The following WDFY2 variants were observed in gnomAD, a reference collection of about 807,000 sequenced individuals.
WDFY2 encodes the protein WD repeat and FYVE domain containing 2.
In WDFY2, 36 loss-of-function variants were observed where a neutral mutation model predicts 56.4. That is an observed-to-expected ratio of 0.64 (90% CI 0.49 to 0.84). WDFY2 has a LOEUF of 0.84. WDFY2 is among the 40% of genes least tolerant of loss of function. The probability of loss-of-function intolerance (pLI) is 0.00; values close to 1 mark genes in which losing one functional copy is unlikely to be tolerated. For synonymous variants in WDFY2, 176 were observed against 183.7 expected, an observed-to-expected ratio of 0.96 and a Z score of 0.34; for missense variants, 444 against 512.2, an observed-to-expected ratio of 0.87 and a Z score of 1.29.
At chr13:51,689,368 A>G (rs894348646) in intron 3 of WDFY2, among the ~76,000 whole-genome samples, 13 of 152,124 alleles carry the variant, frequency 8.5e-5, no homozygotes, top group Non-Finnish European at 1.3e-4. Flanking sequence ...TTTTTGTGCT[A>G]TATGTGTAAA....
rs74238270 is a variant in WDFY2, at chr13:51,749,209, A to T, written c.726-2101A>T. ...CTATTTTCAAATGAATTAATATTTTAAAAATTTCTCAGTTTTAATTCCAAA... is the reference window on the plus strand; with the variant it reads ...CTATTTTCAAATGAATTAATATTTTTAAAATTTCTCAGTTTTAATTCCAAA... On this transcript the variant is annotated intron_variant, in intron 7 of 11. Coordinates refer to ENST00000298125, the MANE Select transcript of WDFY2 (RefSeq NM_052950.4). 5.6e-4 allele frequency among the ~76,000 whole-genome samples: 86 copies of T among 152,320 alleles called. No individual in the cohort carries two copies. In the East Asian group the frequency reaches 0.011, roughly 19 times the overall value.
At chr13:51,653,736 C>T (rs1955451408) in intron 1 of WDFY2, among the ~76,000 whole-genome samples, 1 of 152,190 alleles carries the variant, frequency 6.6e-6, no homozygotes, top group Non-Finnish European at 1.5e-5. Flanking sequence ...TGGTGAACAG[C>T]AAATGTTGCT....
chr13:51,618,780 C>T (rs559048188), intron 1 of WDFY2, among the ~76,000 whole-genome samples: 19 of 152,282 alleles, frequency 1.2e-4, no homozygotes, highest in African/African-American at 4.6e-4. Flanking sequence ...GAACACAGAA[C>T]ATCTCAGTTC....
chr13:51,753,983 C>T (rs964407172), intron 8 of WDFY2, among the ~76,000 whole-genome samples: 2 of 151,186 alleles, frequency 1.3e-5, no homozygotes, highest in Non-Finnish European at 2.9e-5. Context: ...ATCTCAGCTT[C>T]TCAGGAGGCT....
At chr13:51,727,470 G>T (rs1952628681) in intron 5 of WDFY2, among the ~76,000 whole-genome samples, 1 of 152,174 alleles carries the variant, frequency 6.6e-6, no homozygotes, top group Non-Finnish European at 1.5e-5. Flanking sequence ...TTAGGAGCAA[G>T]AAGTGACATC....
At chr13:51,611,688 A>C (rs1344547553) in intron 1 of WDFY2, among the ~76,000 whole-genome samples, 1 of 152,116 alleles carries the variant, frequency 6.6e-6, no homozygotes, top group Non-Finnish European at 1.5e-5. Flanking sequence ...GATGACTCCA[A>C]GTCTGTTATG....
chr13:51,713,543 C>A (rs1034383463), intron 4 of WDFY2, among the ~76,000 whole-genome samples: 2 of 152,248 alleles, frequency 1.3e-5, no homozygotes, highest in Non-Finnish European at 2.9e-5. Context: ...TGCAAATGAA[C>A]CTTGAAGACA....
At chr13:51,708,094 C>A (rs371028131) in intron 4 of WDFY2, among the ~76,000 whole-genome samples, 1 of 150,942 alleles carries the variant, frequency 6.6e-6, no homozygotes, top group African/African-American at 2.4e-5. Context: ...TACAGGCACC[C>A]GCCACCACAC....
intron 4 of WDFY2, among the ~76,000 whole-genome samples, chr13:51,706,299 T>G (rs754647624): frequency 3.9e-5 from 6 of 152,186 alleles, no homozygotes; most frequent in Non-Finnish European, 8.8e-5. Flanking sequence ...AAGAGAGAAC[T>G]AAAACTCAGA....
intron 1 of WDFY2, among the ~76,000 whole-genome samples, chr13:51,645,335 C>T (rs1354107405): frequency 2.6e-5 from 4 of 152,022 alleles, no homozygotes; most frequent in African/African-American, 9.7e-5. Context: ...CCAGCCCCTA[C>T]CCCAAGTTAC....
intron 4 of WDFY2, among the ~76,000 whole-genome samples, chr13:51,717,168 C>T (rs1358938857): frequency 6.6e-6 from 1 of 152,164 alleles, no homozygotes; most frequent in East Asian, 1.9e-4. Flanking sequence ...AGCCAGACAT[C>T]AAACCCATGT....
At chr13:51,729,598 G>A (rs1483195022) in intron 6 of WDFY2, among the ~76,000 whole-genome samples, 1 of 151,814 alleles carries the variant, frequency 6.6e-6, no homozygotes, top group Non-Finnish European at 1.5e-5. Context: ...CTCAGTGCAG[G>A]AGAGCTGCTT....
chr13:51,716,136 G>T (rs998325287), intron 4 of WDFY2, among the ~76,000 whole-genome samples: 1 of 152,120 alleles, frequency 6.6e-6, no homozygotes, highest in Non-Finnish European at 1.5e-5. Context: ...GCCATGTATT[G>T]TATGATTACA....
chr13:51,642,711 T>C (rs1296483684), intron 1 of WDFY2, among the ~76,000 whole-genome samples: 3 of 136,974 alleles, frequency 2.2e-5, no homozygotes, highest in African/African-American at 8.3e-5. Flanking sequence ...AGACGGAGTC[T>C]CACTCTGTCG....
intron 1 of WDFY2, among the ~76,000 whole-genome samples, chr13:51,635,446 TCTAAATGC>T (rs1955028831): frequency 6.6e-6 from 1 of 152,242 alleles, no homozygotes; most frequent in Non-Finnish European, 1.5e-5. Context: ...TGCAAGGTGC[TCTAAATGC>T]CTATAAGCCA....
intron 3 of WDFY2, among the ~76,000 whole-genome samples, chr13:51,684,897 C>T (rs993549278): frequency 8.5e-5 from 13 of 152,090 alleles, no homozygotes; most frequent in Admixed American, 6.6e-4. Flanking sequence ...CCAGCTGCTC[C>T]GCCGTCAGAT....
At chr13:51,630,581 T>C (rs950926495) in intron 1 of WDFY2, among the ~76,000 whole-genome samples, 5 of 152,038 alleles carry the variant, frequency 3.3e-5, no homozygotes, top group African/African-American at 1.2e-4. Context: ...CCTCATTTAA[T>C]AACCCAGTCA....
At chr13:51,670,198 A>G (rs1300789267) in intron 2 of WDFY2, among the ~76,000 whole-genome samples, 1 of 151,964 alleles carries the variant, frequency 6.6e-6, no homozygotes, top group Non-Finnish European at 1.5e-5. Context: ...TTTGTCTTGC[A>G]TGGGTGGGAG....
chr13:51,672,164 A>G (rs1955819424), intron 2 of WDFY2, among the ~76,000 whole-genome samples: 1 of 152,116 alleles, frequency 6.6e-6, no homozygotes, highest in Non-Finnish European at 1.5e-5. Context: ...TATCTTCTAG[A>G]ATTTTTATGG....
Sources: allele counts gnomAD v4.1 joint callset (sites outside exome capture counted in the v4.1 genomes callset), GRCh38; gene constraint gnomAD v4.1.1; transcripts MANE v1.5; gene names NCBI Gene and HGNC (gene_info 2026-07-23, HGNC 2026-07-21).